The following FHAD1 variants were observed in gnomAD, a reference collection of about 807,000 sequenced individuals.
FHAD1 encodes the protein forkhead-associated domain-containing protein 1.
In FHAD1, 146 loss-of-function variants were observed where a neutral mutation model predicts 191.3. The ratio of observed to expected loss-of-function variants is 0.76; its 90% CI spans 0.67 to 0.88. The LOEUF (loss-of-function observed/expected upper bound fraction) is 0.88, where lower values mean the gene tolerates loss of function less well. Among genes scored for constraint, FHAD1 ranks in the 40% least tolerant of loss-of-function variants. The pLI is 0.00. For missense variants in FHAD1, 1,635 were observed against 1,785.8 expected (o/e 0.92, Z 1.52); for synonymous variants, 616 against 672.3 (o/e 0.92, Z 1.29).
rs906373675 is a variant in FHAD1 at position 15,365,720 on chromosome 1, G to T, written c.3048-107G>T. 9 of 697,994 alleles carry T rather than the reference G, an allele frequency of 1.3e-5. No homozygotes were observed. In the African/African-American group the frequency reaches 1.4e-4, roughly 11 times the overall value. 43.2% of individuals were successfully genotyped at this position (697,994 alleles called of 1,614,324 possible). On this transcript the variant is annotated intron_variant, in intron 23 of 33. Coordinates refer to ENST00000688493, the MANE Select transcript of FHAD1 (RefSeq NM_001391957.1). The stretch of plus-strand genomic sequence containing the variant: ...CCTTTGCTGGGACTGGCGTTGCATG[G>T]ACCGTGATTGAGAATCTCTTTGCAT...
intron 3 of FHAD1, among the ~76,000 whole-genome samples, 168 bp downstream of exon 3, chr1:15,272,697 C>T (rs1050154390): frequency 3.9e-5 from 6 of 152,160 alleles, no homozygotes; most frequent in Non-Finnish European, 5.9e-5. Flanking sequence ...GTCATTCTGG[C>T]GGGTCCCAGG....
intron 2 of FHAD1, among the ~76,000 whole-genome samples, chr1:15,264,524 A>G (rs965410452): frequency 5.3e-5 from 8 of 150,666 alleles, no homozygotes; most frequent in Non-Finnish European, 1.2e-4. Context: ...ATCATTTATT[A>G]TGAATTCAGT....
chr1:15,249,886 A>G (rs1172671794), intron 1 of FHAD1, among the ~76,000 whole-genome samples: 1 of 152,146 alleles, frequency 6.6e-6, no homozygotes, highest in African/African-American at 2.4e-5. Flanking sequence ...ATGCAATGGC[A>G]ATCTCCCTGC....
chr1:15,353,858 T>C (rs1436391763), intron 20 of FHAD1, among the ~76,000 whole-genome samples: 1 of 152,064 alleles, frequency 6.6e-6, no homozygotes, highest in Non-Finnish European at 1.5e-5. Flanking sequence ...GCATTTACTG[T>C]TATCACTGAG....
At chr1:15,294,916 T>C (rs924319043) in intron 4 of FHAD1, among the ~76,000 whole-genome samples, 1 of 152,126 alleles carries the variant, frequency 6.6e-6, no homozygotes, top group Non-Finnish European at 1.5e-5. Flanking sequence ...CGAATCTTAA[T>C]GGCAAAGCTC....
intron 3 of FHAD1, among the ~76,000 whole-genome samples, chr1:15,282,334 G>T (rs1039590377): frequency 3.9e-5 from 6 of 152,308 alleles, no homozygotes; most frequent in Middle Eastern, 6.8e-3. Flanking sequence ...CAAAGAATGT[G>T]TAGCACATTC....
intron 6 of FHAD1, among the ~76,000 whole-genome samples, chr1:15,304,461 A>T (rs763851475): frequency 3.3e-5 from 5 of 152,100 alleles, no homozygotes; most frequent in Non-Finnish European, 5.9e-5. Flanking sequence ...AACATTTCCT[A>T]TCTGTCAGAC....
rs377631710 is a variant in FHAD1 at position 15,312,653 on chromosome 1, C to T, written c.1040-404C>T. On this transcript the variant is annotated intron_variant, in intron 7 of 33. Coordinates refer to ENST00000688493, the MANE Select transcript of FHAD1 (RefSeq NM_001391957.1). This position sits in a 1 kb window ranked among gnomAD's most constrained non-coding sequence, Gnocchi z 4.7. ...CTCCAGCCTGGGTGACAGAGTAAGA[C>T]CCTGTCTCAAGAAAAAAGACGACTG... 4.1e-4 allele frequency among the ~76,000 whole-genome samples: 62 copies of T among 152,220 alleles called. No homozygotes were observed. Among genetic ancestry groups the T allele is most frequent in the African/African-American group, 1.5e-3 (61 of 41,542 alleles).
intron 27 of FHAD1, among the ~76,000 whole-genome samples, chr1:15,374,868 T>TTTTTTTTTG (rs1558266888): frequency 2.0e-5 from 3 of 149,614 alleles, no homozygotes; most frequent in Non-Finnish European, 4.4e-5. Context: ...TTGTTTGTTT[T>TTTTTTTTTG]TTTTTTTTGA....
chr1:15,245,917 C>A (rs913047586), upstream of FHAD1, among the ~76,000 whole-genome samples: 24 of 152,186 alleles, frequency 1.6e-4, no homozygotes, highest in African/African-American at 5.8e-4. Context: ...CACCACAAAT[C>A]GATGTCCATG....
intron 18 of FHAD1, among the ~76,000 whole-genome samples, chr1:15,347,728 C>T (rs1689415972): frequency 6.6e-6 from 1 of 152,340 alleles, no homozygotes; most frequent in East Asian, 1.9e-4. Flanking sequence ...GGATTACAGG[C>T]GTGAGCCACC....
Position 15,388,054 on chromosome 1 carries a change from AGTG to A in FHAD1, c.4193_4195del (p.Ser1398_Val1399delinsIle). On this transcript the variant is annotated inframe_deletion, in exon 32 of 34. Transcript: ENST00000688493. ...TAACCTGATACTTTTCACTCAGGAA[AGTG>A]TAGAGGAGCACGAACTGAGAAACGC... is the stretch of plus-strand genomic sequence containing the variant. 1 of 1,289,264 alleles carries A rather than the reference AGTG, an allele frequency of 7.8e-7. No homozygotes were observed. Among genetic ancestry groups the A allele is most frequent in the Non-Finnish European group, 1.0e-6 (1 of 988,278 alleles). 79.9% of individuals were successfully genotyped at this position (1,289,264 alleles called of 1,614,324 possible).
At chr1:15,395,601 C>T (rs929520281) in intron 33 of FHAD1, among the ~76,000 whole-genome samples, 1 of 152,078 alleles carries the variant, frequency 6.6e-6, no homozygotes. Context: ...AAATATGGCC[C>T]GGGAGTGGGG....
intron 2 of FHAD1, among the ~76,000 whole-genome samples, chr1:15,262,844 A>G (rs1339922610): frequency 1.3e-5 from 2 of 152,244 alleles, no homozygotes; most frequent in Non-Finnish European, 2.9e-5. Flanking sequence ...TTGCCGGATC[A>G]TATGGTAATT....
chr1:15,267,094 T>C (rs1399784841), intron 2 of FHAD1, among the ~76,000 whole-genome samples: 1 of 152,196 alleles, frequency 6.6e-6, no homozygotes, highest in African/African-American at 2.4e-5. Flanking sequence ...AAATTAAAGA[T>C]GGACAAAAGA....
chr1:15,339,729 T>C (rs1197076660), intron 15 of FHAD1, among the ~76,000 whole-genome samples, 178 bp downstream of exon 15: 1 of 152,190 alleles, frequency 6.6e-6, no homozygotes, highest in African/African-American at 2.4e-5. Flanking sequence ...TTGGCTAAGA[T>C]CTCCCAGGAG....
rs557275213 is a variant in FHAD1 at position 15,362,661 on chromosome 1, G to A, written c.2982G>A (p.Pro994=). ...ATACAGCCCCAAAGGAGGAAAGGCC[G>A]CAAGACCCTCTGGTGGCTCCCATGA... ...DNDPAPKEER[P]QDPLVAPMTE... Residue 994 remains proline, a synonymous_variant, in exon 23 of 34, where the codon CCG becomes CCA. Transcript: ENST00000688493. The A allele has an allele frequency of 2.5e-5, 39 of 1,551,760 alleles. No individual in the cohort carries two copies. The highest frequency in any genetic ancestry group is 3.3e-4 in the Middle Eastern group (2 of 5,992).
intron 23 of FHAD1, among the ~76,000 whole-genome samples, chr1:15,365,501 T>TTTTTTTTG (rs1696138852): frequency 6.8e-6 from 1 of 146,684 alleles, no homozygotes; most frequent in African/African-American, 2.6e-5. Flanking sequence ...TTTTTTTTTT[T>TTTTTTTTG]GTAGAGACGG....
At chr1:15,317,683 G>A (rs1459817351) in intron 9 of FHAD1, 141 bp from the exon 10 acceptor site, 1 of 598,720 alleles carries the variant, frequency 1.7e-6, no homozygotes, top group South Asian at 2.2e-5. Context: ...TCCAGGAGAA[G>A]GAATTAAATA....
Sources: gnomAD v4.1 joint callset for allele counts (sites outside exome capture counted in the v4.1 genomes callset) on GRCh38, gnomAD v4.1.1 for gene constraint, Gnocchi (gnomAD v3.1) non-coding constraint, MANE v1.5 for transcripts, NCBI Gene and HGNC (gene_info 2026-07-23, HGNC 2026-07-21) for gene names.